The following CNTN1 variants were observed in gnomAD, a reference collection of about 807,000 sequenced individuals.
CNTN1 encodes the protein contactin 1.
CNTN1 carries 38 observed loss-of-function variants against 126.4 expected under a neutral mutation model. The observed-to-expected ratio is 0.30, with a 90% CI of 0.23 to 0.39. The LOEUF (loss-of-function observed/expected upper bound fraction) is 0.39, where lower values mean the gene tolerates loss of function less well. Ranked by LOEUF, CNTN1 falls within the 10% of genes least tolerant of loss-of-function variation. CNTN1 has a pLI of 1.00. For synonymous variants in CNTN1, 413 were observed against 422.6 expected, an observed-to-expected ratio of 0.98 and a Z score of 0.28; for missense variants, 1,009 against 1,248.4, an observed-to-expected ratio of 0.81 and a Z score of 2.89.
intron 1 of CNTN1, among the ~76,000 whole-genome samples, chr12:40,859,563 T>C (rs930629930): frequency 2.6e-5 from 4 of 152,132 alleles, no homozygotes; most frequent in African/African-American, 9.7e-5. Flanking sequence ...ATTTTCTTTT[T>C]TTGCACTTTT....
At chr12:40,706,459 C>G (rs1243107377) in intron 1 of CNTN1, among the ~76,000 whole-genome samples, 1 of 152,120 alleles carries the variant, frequency 6.6e-6, no homozygotes, top group Non-Finnish European at 1.5e-5. Flanking sequence ...CACATAGCCT[C>G]TTTAACACTT....
chr12:40,884,377 G>C (rs1943963414), intron 1 of CNTN1, among the ~76,000 whole-genome samples: 1 of 151,430 alleles, frequency 6.6e-6, no homozygotes, highest in Admixed American at 6.6e-5. Flanking sequence ...GCATTTGAAA[G>C]TGTAATTTTA....
intron 1 of CNTN1, among the ~76,000 whole-genome samples, chr12:40,889,061 T>A (rs994733476): frequency 6.6e-6 from 1 of 152,228 alleles, no homozygotes; most frequent in Admixed American, 6.5e-5. Context: ...CTGTAAAAAG[T>A]TGAACCATTT....
At chr12:40,855,297 T>G (rs1201006961) in intron 1 of CNTN1, among the ~76,000 whole-genome samples, 1 of 152,144 alleles carries the variant, frequency 6.6e-6, no homozygotes, top group African/African-American at 2.4e-5. Flanking sequence ...TTCAGCATAT[T>G]GTAAATTTTG....
intron 6 of CNTN1, among the ~76,000 whole-genome samples, chr12:40,925,589 A>ATGTATATATATATATATG (rs1945630356): frequency 7.5e-6 from 1 of 132,912 alleles, no homozygotes; most frequent in African/African-American, 3.0e-5. Flanking sequence ...GTATATATAC[A>ATGTATATATATATATATG]TGTATATATA....
chr12:41,032,983 C>G (rs1949178914), intron 23 of CNTN1, among the ~76,000 whole-genome samples: 1 of 152,160 alleles, frequency 6.6e-6, no homozygotes, highest in Non-Finnish European at 1.5e-5. Flanking sequence ...ACTTGGGCAA[C>G]TTAAAACTAT....
At chr12:41,027,329 C>T (rs1364778109) in intron 21 of CNTN1, among the ~76,000 whole-genome samples, 1 of 151,870 alleles carries the variant, frequency 6.6e-6, no homozygotes, top group Non-Finnish European at 1.5e-5. Context: ...AGAAAAGGTA[C>T]ATAGATGAAG....
At chr12:40,755,439 C>A (rs1394145609) in intron 1 of CNTN1, among the ~76,000 whole-genome samples, 2 of 149,720 alleles carry the variant, frequency 1.3e-5, no homozygotes, top group Non-Finnish European at 3.0e-5. Flanking sequence ...AAGAGCTGGG[C>A]AAGGCGGGTC....
intron 5 of CNTN1, among the ~76,000 whole-genome samples, chr12:40,923,987 T>A (rs1014573877): frequency 1.3e-5 from 2 of 151,992 alleles, no homozygotes; most frequent in African/African-American, 4.8e-5. Context: ...TCAAGTGAAA[T>A]GTAAGTTCCA....
chr12:40,988,526 G>A (rs17128984), intron 16 of CNTN1, among the ~76,000 whole-genome samples: 3,499 of 152,156 alleles, frequency 0.023, 84 homozygotes, highest in African/African-American at 0.054. Flanking sequence ...AGGGTACCAC[G>A]AGCATGATTT....
intron 23 of CNTN1, among the ~76,000 whole-genome samples, chr12:41,067,937 A>G (rs1448598351): frequency 2.0e-5 from 3 of 152,348 alleles, no homozygotes; most frequent in Middle Eastern, 3.4e-3. Flanking sequence ...AAAAAAAATT[A>G]CAAGAATACA....
intron 23 of CNTN1, among the ~76,000 whole-genome samples, chr12:41,043,796 A>C (rs1434675141): frequency 6.6e-6 from 1 of 151,416 alleles, no homozygotes; most frequent in Non-Finnish European, 1.5e-5. Context: ...TGGCACATAT[A>C]CACCATGGAA....
chr12:40,820,002 T>G (rs186205883), intron 1 of CNTN1, among the ~76,000 whole-genome samples: 1 of 152,202 alleles, frequency 6.6e-6, no homozygotes, highest in Non-Finnish European at 1.5e-5. Flanking sequence ...CTAGTCAATT[T>G]TGATGAGAGA....
At chr12:40,736,930 A>G (rs932629850) in intron 1 of CNTN1, among the ~76,000 whole-genome samples, 7 of 152,200 alleles carry the variant, frequency 4.6e-5, no homozygotes, top group Admixed American at 4.6e-4. Flanking sequence ...AGACATTAAA[A>G]GAATTGCATA....
At chr12:40,711,607 C>T (rs538031502) in intron 1 of CNTN1, among the ~76,000 whole-genome samples, 2 of 152,238 alleles carry the variant, frequency 1.3e-5, no homozygotes, top group East Asian at 3.9e-4. Context: ...TTTGCACCCC[C>T]AACTAATGAC....
At chr12:41,055,397 C>T (rs1264036456) in intron 23 of CNTN1, among the ~76,000 whole-genome samples, 3 of 152,112 alleles carry the variant, frequency 2.0e-5, no homozygotes, top group Non-Finnish European at 4.4e-5. Flanking sequence ...TGCCCCATCT[C>T]TTCTTCCTTA....
intron 1 of CNTN1, among the ~76,000 whole-genome samples, chr12:40,800,812 CA>C (rs1245095042): frequency 1.3e-5 from 2 of 151,952 alleles, no homozygotes; most frequent in Non-Finnish European, 2.9e-5. Flanking sequence ...GTGAAAACAA[CA>C]GACTTATTAG....
At chr12:40,822,304 G>A (rs947089040) in intron 1 of CNTN1, among the ~76,000 whole-genome samples, 13 of 151,454 alleles carry the variant, frequency 8.6e-5, no homozygotes, top group African/African-American at 2.9e-4. Flanking sequence ...ACAGGTGCCC[G>A]ACACCATGCC....
Position 41,028,028 on chromosome 12 carries a change from G to C in CNTN1, c.2823+59G>C. The stretch of plus-strand genomic sequence containing the variant: ...TTCTTGCTATTTCAGTGAAACCCAA[G>C]ATGGGTTTCTTTTCTTTTTTTGAGA... On this transcript the variant is annotated intron_variant, in intron 22 of 23. Transcript: ENST00000551295. 4 of 1,223,518 alleles carry C rather than the reference G, an allele frequency of 3.3e-6. No homozygotes were observed. In the Admixed American group the frequency reaches 5.1e-5, roughly 16 times the overall value. The allele number at this position is 1,223,518 out of a possible 1,614,324, so 75.8% of individuals were successfully genotyped here.
Sources: allele counts gnomAD v4.1 joint callset (sites outside exome capture counted in the v4.1 genomes callset), GRCh38; gene constraint gnomAD v4.1.1; transcripts MANE v1.5; gene names NCBI Gene and HGNC (gene_info 2026-07-23, HGNC 2026-07-21).